The following MTA3 variants were observed in gnomAD, a reference collection of about 807,000 sequenced individuals.
MTA3 encodes metastasis-associated protein MTA3.
MTA3 carries 34 observed loss-of-function variants against 83.5 expected under a neutral mutation model. The observed-to-expected ratio is 0.41, with a 90% CI of 0.31 to 0.54. MTA3 has a LOEUF of 0.54. Among genes scored for constraint, MTA3 ranks in the 20% least tolerant of loss-of-function variants. The pLI is 0.33. For missense variants in MTA3, 761 were observed against 726.4 expected (o/e 1.05, Z -0.55); for synonymous variants, 303 against 252.7 (o/e 1.20, Z -1.89).
chr2:42,610,822 T>G (rs1212544246), intron 4 of MTA3, among the ~76,000 whole-genome samples: 1 of 152,008 alleles, frequency 6.6e-6, no homozygotes, highest in Non-Finnish European at 1.5e-5. Context: ...AGGGTAAGGA[T>G]GTGTGAGCAA....
intron 14 of MTA3, among the ~76,000 whole-genome samples, chr2:42,710,236 T>C (rs1209510138): frequency 1.3e-5 from 2 of 152,156 alleles, no homozygotes; most frequent in Non-Finnish European, 2.9e-5. Flanking sequence ...GTAGCAGCTC[T>C]ATAAGAAGAA....
At chr2:42,547,256 CA>C (rs1042736637) in intron 2 of MTA3, among the ~76,000 whole-genome samples, 1 of 151,986 alleles carries the variant, frequency 6.6e-6, no homozygotes, top group African/African-American at 2.4e-5. Flanking sequence ...GATTTACAGA[CA>C]AAAAAAGGAA....
At chr2:42,747,036 CTG>C (rs1669491371) in intron 16 of MTA3, among the ~76,000 whole-genome samples, 1 of 151,150 alleles carries the variant, frequency 6.6e-6, no homozygotes, top group African/African-American at 2.4e-5. Context: ...GAGTCTCACT[CTG>C]TCACCCAGGC....
chr2:42,707,785 G>T, intron 12 of MTA3, 118 bp from the exon 13 acceptor site: 2 of 1,137,156 alleles, frequency 1.8e-6, no homozygotes, highest in Non-Finnish European at 2.4e-6. Context: ...TTGTAAGCTG[G>T]GAACAATAAC....
At chr2:42,637,177 G>T (rs1413058915) in intron 4 of MTA3, among the ~76,000 whole-genome samples, 2 of 152,168 alleles carry the variant, frequency 1.3e-5, no homozygotes, top group Non-Finnish European at 2.9e-5. Flanking sequence ...AACCTTTTCA[G>T]TGACCTGTGG....
At chr2:42,677,640 C>T (rs571975231) in intron 8 of MTA3, among the ~76,000 whole-genome samples, 15 of 152,066 alleles carry the variant, frequency 9.9e-5, no homozygotes, top group Admixed American at 5.9e-4. Flanking sequence ...CACCGTACCT[C>T]GTCCTGATGG....
intron 2 of MTA3, among the ~76,000 whole-genome samples, chr2:42,551,076 TAAATA>T (rs1404290134): frequency 8.7e-5 from 13 of 149,964 alleles, no homozygotes; most frequent in African/African-American, 2.5e-4. Flanking sequence ...AATAAATAAA[TAAATA>T]AATAAATTAA....
At chr2:42,650,225 T>G (rs1688584370) in intron 6 of MTA3, among the ~76,000 whole-genome samples, 2 of 152,178 alleles carry the variant, frequency 1.3e-5, no homozygotes, top group Non-Finnish European at 2.9e-5. Context: ...TGTAGACATT[T>G]TAGTTGTCAC....
At chr2:42,710,781 T>A (rs1177354055) in intron 14 of MTA3, among the ~76,000 whole-genome samples, 1 of 152,126 alleles carries the variant, frequency 6.6e-6, no homozygotes, top group Non-Finnish European at 1.5e-5. Flanking sequence ...TGTAATTTTT[T>A]AAATAAAATG....
chr2:42,628,631 C>T (rs1433180764), intron 4 of MTA3, among the ~76,000 whole-genome samples: 1 of 152,192 alleles, frequency 6.6e-6, no homozygotes, highest in Non-Finnish European at 1.5e-5. Context: ...AAATATTATT[C>T]CATTCTCCTC....
At chr2:42,651,105 G>C (rs1405849148) in intron 6 of MTA3, among the ~76,000 whole-genome samples, 2 of 152,150 alleles carry the variant, frequency 1.3e-5, no homozygotes, top group African/African-American at 4.8e-5. Flanking sequence ...TAACACAATA[G>C]TAAGTATTGT....
chr2:42,635,816 G>A (rs1573408372), intron 4 of MTA3, among the ~76,000 whole-genome samples: 2 of 151,540 alleles, frequency 1.3e-5, no homozygotes, highest in Admixed American at 6.6e-5. Flanking sequence ...ACCCAGGCTC[G>A]AGTGCAGTGG....
intron 9 of MTA3, 88 bp downstream of exon 9, chr2:42,682,677 C>T: frequency 8.2e-7 from 1 of 1,221,634 alleles, no homozygotes; most frequent in Non-Finnish European, 1.1e-6. Context: ...ATTCATTTAG[C>T]AAGTTTGTGA....
At chr2:42,731,464 ATGG>A (rs1668223826) in intron 16 of MTA3, among the ~76,000 whole-genome samples, 1 of 152,216 alleles carries the variant, frequency 6.6e-6, no homozygotes, top group African/African-American at 2.4e-5. Context: ...CACTTTTTAC[ATGG>A]TGGCAGCAAG....
chr2:42,734,342 A>G (rs1668457592), intron 16 of MTA3, among the ~76,000 whole-genome samples: 1 of 149,102 alleles, frequency 6.7e-6, no homozygotes, highest in Non-Finnish European at 1.5e-5. Context: ...TGATATAAGT[A>G]TAGCTACTCC....
chr2:42,611,654 A>G (rs1266534289), intron 4 of MTA3, among the ~76,000 whole-genome samples: 1 of 152,088 alleles, frequency 6.6e-6, no homozygotes, highest in East Asian at 1.9e-4. Flanking sequence ...TGTCTCTACC[A>G]AAAATATAAA....
chr2:42,515,538 T>G (rs1675105793), intron 2 of MTA3, among the ~76,000 whole-genome samples: 1 of 151,998 alleles, frequency 6.6e-6, no homozygotes, highest in Non-Finnish European at 1.5e-5. Flanking sequence ...ATTCTCGCTC[T>G]CTCTCCCAGG....
At chr2:42,508,824 A>G (rs1426860261) in intron 2 of MTA3, among the ~76,000 whole-genome samples, 1 of 146,948 alleles carries the variant, frequency 6.8e-6, no homozygotes, top group East Asian at 1.9e-4. Flanking sequence ...TATGATATAT[A>G]TGATATATAA....
Position 42,658,794 on chromosome 2 carries a change from G to T in MTA3, c.603-969G>T, listed in dbSNP as rs570469234. On this transcript the variant is annotated intron_variant, in intron 7 of 16. Transcript: ENST00000405094. ...TATTTATAAAATTTCTTCCTTAGGG[G>T]TCAACCACAATGGCTCATGCCTATA... Among the ~76,000 whole-genome samples, 8 of 152,104 alleles carry T rather than the reference G, an allele frequency of 5.3e-5. No individual in the cohort carries two copies. In the East Asian group the frequency reaches 1.4e-3, roughly 26 times the overall value.
Sources: allele counts gnomAD v4.1 joint callset (sites outside exome capture counted in the v4.1 genomes callset), GRCh38; gene constraint gnomAD v4.1.1; transcripts MANE v1.5; gene names NCBI Gene and HGNC (gene_info 2026-07-23, HGNC 2026-07-21).